Variants in ANK3 observed in about 807,000 individuals in gnomAD.
ANK3 encodes ankyrin 3.
In ANK3, 57 loss-of-function variants were observed where a neutral mutation model predicts 370.9. The ratio of observed to expected loss-of-function variants is 0.15; its 90% CI spans 0.12 to 0.19. The LOEUF (loss-of-function observed/expected upper bound fraction) is 0.19. Ranked by LOEUF, ANK3 falls within the 10% of genes least tolerant of loss-of-function variation. ANK3 has a pLI of 1.00. For synonymous variants in ANK3, 1,929 were observed against 1,946.3 expected (o/e 0.99, Z 0.23); for missense variants, 4,439 against 5,302.1 (o/e 0.84, Z 5.06).
At chr10:60,309,648 G>A (rs1474047370) in intron 1 of ANK3, among the ~76,000 whole-genome samples, 2 of 152,112 alleles carry the variant, frequency 1.3e-5, no homozygotes, top group Non-Finnish European at 2.9e-5. Flanking sequence ...GGAATAACTT[G>A]CAATAGGTAG....
At chr10:60,163,268 A>T (rs2095542647) in intron 23 of ANK3, among the ~76,000 whole-genome samples, 1 of 152,212 alleles carries the variant, frequency 6.6e-6, no homozygotes, top group Non-Finnish European at 1.5e-5. Context: ...TTATATGCAT[A>T]GGTATTTTCT....
chr10:60,398,871 T>C (rs1174476897), intron 2 of ANK3, among the ~76,000 whole-genome samples: 1 of 152,204 alleles, frequency 6.6e-6, no homozygotes, highest in African/African-American at 2.4e-5. Flanking sequence ...ATACATAGCA[T>C]ATCTGGTTCA....
At chr10:60,125,231 T>C (rs189357111) in intron 25 of ANK3, among the ~76,000 whole-genome samples, 1 of 152,182 alleles carries the variant, frequency 6.6e-6, no homozygotes, top group Non-Finnish European at 1.5e-5. Context: ...GAATAGCATA[T>C]AAAGAAATTT....
chr10:60,257,774 A>T (rs2097758964), intron 7 of ANK3, among the ~76,000 whole-genome samples: 1 of 152,188 alleles, frequency 6.6e-6, no homozygotes, highest in South Asian at 2.1e-4. Context: ...AAACCACCCG[A>T]AATCTTTTTG....
rs1198984492 is a variant in ANK3 at position 60,072,483 on chromosome 10, C to T, written c.8398G>A (p.Val2800Ile). ...KDEHAQSNEIVVNDSGSDNVK... is the reference protein window; with the variant it reads ...KDEHAQSNEIIVNDSGSDNVK... ...TTATCAGAGCCAGAATCATTTACAA[C>T]AATTTCGTTGCTTTGGGCATGCTCA... The change falls in exon 37 of 44, where the codon GTT (valine) becomes ATT (isoleucine). Residue 2800 changes from valine to isoleucine, a missense_variant. Val to Ile is a conservative substitution (Grantham distance 29). Coordinates refer to ENST00000280772, the MANE Select transcript of ANK3 (RefSeq NM_020987.5). 5.0e-6 allele frequency: 8 copies of T among 1,613,940 alleles called. No individual in the cohort carries two copies. The highest frequency in any genetic ancestry group is 5.9e-6 in the Non-Finnish European group (7 of 1,180,020).
chr10:60,182,765 T>C (rs1349892054), intron 17 of ANK3, among the ~76,000 whole-genome samples: 1 of 152,188 alleles, frequency 6.6e-6, no homozygotes, highest in Non-Finnish European at 1.5e-5. Flanking sequence ...TTTTTAATAA[T>C]GTTTATAGAA....
intron 1 of ANK3, among the ~76,000 whole-genome samples, chr10:60,340,973 T>C (rs1325004483): frequency 6.6e-6 from 1 of 152,156 alleles, no homozygotes; most frequent in Admixed American, 6.5e-5. Flanking sequence ...GAGCAAAGTA[T>C]TAGATCTGGG....
At chr10:60,222,283 T>C (rs909997627) in intron 8 of ANK3, among the ~76,000 whole-genome samples, 1 of 152,142 alleles carries the variant, frequency 6.6e-6, no homozygotes, top group African/African-American at 2.4e-5. Flanking sequence ...GACAGGTCAG[T>C]GGAAAACGAG....
At chr10:60,236,234 T>G (rs1187274691) in intron 7 of ANK3, among the ~76,000 whole-genome samples, 2 of 152,060 alleles carry the variant, frequency 1.3e-5, no homozygotes, top group East Asian at 3.8e-4. Flanking sequence ...ATACTGCAAT[T>G]TAATTATCTC....
At chr10:60,283,442 A>G (rs2098196236) in intron 1 of ANK3, among the ~76,000 whole-genome samples, 1 of 152,186 alleles carries the variant, frequency 6.6e-6, no homozygotes, top group South Asian at 2.1e-4. Context: ...ATTAGGTTCA[A>G]AGACAAGCTG....
At chr10:60,629,409 T>C (rs747763291) in intron 1 of ANK3, among the ~76,000 whole-genome samples, 1 of 152,210 alleles carries the variant, frequency 6.6e-6, no homozygotes, top group Non-Finnish European at 1.5e-5. Context: ...TATCAAAATA[T>C]TATGTTTGCT....
intron 2 of ANK3, among the ~76,000 whole-genome samples, chr10:60,579,197 C>T (rs1290847008): frequency 6.6e-6 from 1 of 151,696 alleles, no homozygotes; most frequent in East Asian, 1.9e-4. Context: ...TGGTGGCACG[C>T]ACCTGTAGTC....
intron 1 of ANK3, among the ~76,000 whole-genome samples, chr10:60,316,753 A>AT (rs200280511): frequency 0.029 from 4,423 of 150,350 alleles, 139 homozygotes; most frequent in African/African-American, 0.081. Flanking sequence ...TTTTATTTTT[A>AT]TTTTTTTTTA....
At chr10:60,196,742 C>G in intron 14 of ANK3, 117 bp from the exon 15 acceptor site, 1 of 637,774 alleles carries the variant, frequency 1.6e-6, no homozygotes, top group Non-Finnish European at 2.7e-6. Flanking sequence ...GCACTGCTTT[C>G]CAGAACTGAT....
chr10:60,343,976 A>G (rs2054843728), intron 1 of ANK3, among the ~76,000 whole-genome samples: 1 of 152,238 alleles, frequency 6.6e-6, no homozygotes, highest in African/African-American at 2.4e-5. Context: ...AGTTCTGCAC[A>G]TCCATGGACC....
In ANK3 at chr10:60,071,376, G is replaced by A. The variant is rs1188740094; in HGVS notation, c.9505C>T (p.Pro3169Ser). The A allele has an allele frequency of 8.7e-6, 14 of 1,614,020 alleles. No individual in the cohort carries two copies. Among genetic ancestry groups the A allele is most frequent in the Non-Finnish European group, 1.1e-5 (13 of 1,180,000 alleles). Residue 3169 changes from proline to serine, a missense_variant, in exon 37 of 44, where the codon CCA (proline) becomes TCA (serine). Pro to Ser is a moderately conservative substitution (Grantham distance 74). Around this residue, in one of 13 missense-constraint regions of ANK3, gnomAD observed 1,601 missense variants for 1,731.7 expected, o/e 0.92. Coordinates refer to ENST00000280772, the MANE Select transcript of ANK3 (RefSeq NM_020987.5). ...ACTTCCTCTGAACTGGGTGTTTCTG[G>A]GGTTAAAGGGCTTTTCCCAGAGCTG... ...LDSSGKSPLT[P>S]ETPSSEEVSY...
At chr10:60,458,524 C>G (rs757377022) in intron 2 of ANK3, among the ~76,000 whole-genome samples, 16 of 152,194 alleles carry the variant, frequency 1.1e-4, no homozygotes, top group Middle Eastern at 3.4e-3. Context: ...TATGTAGTAA[C>G]AGCAGTACTG....
At chr10:60,453,635 C>G (rs1238353427) in intron 2 of ANK3, among the ~76,000 whole-genome samples, 2 of 151,978 alleles carry the variant, frequency 1.3e-5, no homozygotes, top group Non-Finnish European at 2.9e-5. Flanking sequence ...TTACTTTTGT[C>G]TTTGTTTTCT....
chr10:60,394,946 T>C (rs981842975), intron 2 of ANK3, among the ~76,000 whole-genome samples: 7 of 152,176 alleles, frequency 4.6e-5, no homozygotes, highest in African/African-American at 1.7e-4. Flanking sequence ...GCAGAGTTTA[T>C]ATATAATCTG....
Sources: gnomAD v4.1 joint callset for allele counts (sites outside exome capture counted in the v4.1 genomes callset) on GRCh38, gnomAD v4.1.1 for gene constraint, gnomAD v4.1.1 regional missense constraint, MANE v1.5 for transcripts, NCBI Gene and HGNC (gene_info 2026-07-23, HGNC 2026-07-21) for gene names.